TJP1: variants seen among roughly 807,000 people sequenced by gnomAD.
TJP1 encodes the protein tight junction protein ZO-1.
Under a neutral mutation model 194.2 loss-of-function variants are expected in TJP1, and 43 were observed. The ratio of observed to expected loss-of-function variants is 0.22; its 90% CI spans 0.17 to 0.29. The LOEUF (loss-of-function observed/expected upper bound fraction) is 0.29, where lower values mean the gene tolerates loss of function less well. Ranked by LOEUF, TJP1 falls within the 10% of genes least tolerant of loss-of-function variation. The pLI is 1.00. For synonymous variants in TJP1, 801 were observed against 779.0 expected (o/e 1.03, Z -0.47); for missense variants, 1,971 against 2,185.7 (o/e 0.90, Z 1.96).
At chr15:29,907,373 C>T (rs919082604) in intron 2 of TJP1, among the ~76,000 whole-genome samples, 1 of 152,098 alleles carries the variant, frequency 6.6e-6, no homozygotes, top group Non-Finnish European at 1.5e-5. Flanking sequence ...CGCACCACTG[C>T]ACTCCAGCCT....
intron 1 of TJP1, among the ~76,000 whole-genome samples, chr15:29,801,897 A>G (rs79064090): frequency 6.6e-6 from 1 of 151,898 alleles, no homozygotes; most frequent in Non-Finnish European, 1.5e-5. Flanking sequence ...TAAAAAAAAA[A>G]TTACAAAAAA....
At chr15:29,762,580 G>A in intron 5 of TJP1, 142 bp from the exon 6 acceptor site, 1 of 597,840 alleles carries the variant, frequency 1.7e-6, no homozygotes, top group East Asian at 2.8e-5. Flanking sequence ...TGGCCATCCT[G>A]CAAATAAGAC....
At chr15:29,723,993 C>T (rs2043088790) in intron 18 of TJP1, among the ~76,000 whole-genome samples, 1 of 152,166 alleles carries the variant, frequency 6.6e-6, no homozygotes, top group African/African-American at 2.4e-5. Flanking sequence ...GTATTTCTTC[C>T]ACTTCAGTAT....
intron 2 of TJP1, among the ~76,000 whole-genome samples, chr15:29,896,029 C>T (rs785429): frequency 0.098 from 14,847 of 152,114 alleles, 759 homozygotes; most frequent in South Asian, 0.12. Context: ...TCATTTGTTA[C>T]GGCTCCACTC....
intron 18 of TJP1, among the ~76,000 whole-genome samples, chr15:29,723,308 T>C (rs2043044126): frequency 6.6e-6 from 1 of 152,194 alleles, no homozygotes; most frequent in Non-Finnish European, 1.5e-5. Flanking sequence ...CGGTTTCTAA[T>C]GGTTTAGCAC....
chr15:29,955,877 T>C (rs2055922678), intron 2 of TJP1, among the ~76,000 whole-genome samples: 1 of 151,622 alleles, frequency 6.6e-6, no homozygotes, highest in South Asian at 2.1e-4. Context: ...AGCTGGGTGT[T>C]TGGGGTTAAT....
chr15:29,814,861 T>C (rs547847979), intron 1 of TJP1, among the ~76,000 whole-genome samples: 1 of 152,184 alleles, frequency 6.6e-6, no homozygotes, highest in Non-Finnish European at 1.5e-5. Flanking sequence ...TAAAACCTTA[T>C]CTCTTGATCT....
intron 2 of TJP1, among the ~76,000 whole-genome samples, chr15:29,939,525 A>G (rs2054995629): frequency 6.6e-6 from 1 of 152,104 alleles, no homozygotes; most frequent in Non-Finnish European, 1.5e-5. Flanking sequence ...AACCCCTAGC[A>G]CAGGCTCAGT....
At position 29,776,126 on chromosome 15, in the gene TJP1, T is replaced by C. The variant is rs539387606; in HGVS notation, c.85-2769A>G. ...ATATTACAGCTCAACATAATTTATT[T>C]GTATCAGTGCAAAATACAAAATAAA... On this transcript the variant is annotated intron_variant, in intron 2 of 27. Transcript: ENST00000614355. 6.6e-5 allele frequency among the ~76,000 whole-genome samples: 10 copies of C among 152,298 alleles called. No individual in the cohort carries two copies. In the East Asian group the frequency reaches 1.7e-3, roughly 26 times the overall value.
intron 2 of TJP1, among the ~76,000 whole-genome samples, chr15:29,917,441 T>C (rs939601237): frequency 5.9e-5 from 9 of 152,032 alleles, no homozygotes; most frequent in African/African-American, 9.7e-5. Flanking sequence ...CCAAAAACAA[T>C]ATATAAGGCC....
exon 1 of TJP1, chr15:29,968,889 G>A: frequency 3.1e-6 from 1 of 323,992 alleles, no homozygotes; most frequent in Non-Finnish European, 4.4e-6. Context: ...CCGCTCCCGC[G>A]CCCGCCGCAC....
At chr15:29,835,648 T>C (rs2051001093) in intron 2 of TJP1, among the ~76,000 whole-genome samples, 2 of 56,584 alleles carry the variant, frequency 3.5e-5, no homozygotes, top group African/African-American at 4.5e-5. Flanking sequence ...AGACCCTAGC[T>C]GCAAAAAAAA....
intron 2 of TJP1, among the ~76,000 whole-genome samples, chr15:29,832,011 T>C (rs1242668442): frequency 6.6e-6 from 1 of 152,180 alleles, no homozygotes; most frequent in Non-Finnish European, 1.5e-5. Flanking sequence ...AACTGAAATA[T>C]TTCTGTCAGC....
chr15:29,929,267 A>G (rs2054624195), intron 2 of TJP1, among the ~76,000 whole-genome samples: 1 of 152,256 alleles, frequency 6.6e-6, no homozygotes, highest in Non-Finnish European at 1.5e-5. Flanking sequence ...ATATTAGGAA[A>G]TACTTACAAC....
rs764282069 is a variant in TJP1, at chr15:29,741,901, TTC to T, written c.1151-467_1151-466del. 1.8e-4 allele frequency among the ~76,000 whole-genome samples: 28 copies of T among 152,296 alleles called. No individual in the cohort carries two copies. The East Asian group carries it at 4.8e-3, about 26-fold the overall frequency. On this transcript the variant is annotated intron_variant, in intron 9 of 27. Transcript: ENST00000614355. ...GCAACCGATCTTAGCACCTTGCTGA[TTC>T]TGTTTTGTCTTCACAGACAGCTTTA...
At chr15:29,912,988 G>T (rs1007698294) in intron 2 of TJP1, among the ~76,000 whole-genome samples, 2 of 152,170 alleles carry the variant, frequency 1.3e-5, no homozygotes, top group Non-Finnish European at 2.9e-5. Flanking sequence ...GATTAATAGA[G>T]GAGTGATAGT....
rs142703756 is a variant in TJP1 at position 29,897,580 on chromosome 15, G to A, written c.306+58652C>T. ...CCAGAATGGTAGATCCACCAACAGC[G>A]TGCACCATGTGCCTGGAAAAGCCGC... On this transcript the variant is annotated intron_variant, in intron 2 of 28. Coordinates refer to the TJP1 transcript ENST00000356107. Among the ~76,000 whole-genome samples, 287 of 152,230 alleles carry A rather than the reference G, an allele frequency of 1.9e-3. 1 individual carries two copies. The highest frequency in any genetic ancestry group is 6.2e-3 in the African/African-American group (259 of 41,536).
chr15:29,767,002 C>T (rs2046370364), intron 4 of TJP1, among the ~76,000 whole-genome samples: 1 of 152,194 alleles, frequency 6.6e-6, no homozygotes, highest in Admixed American at 6.5e-5. Context: ...TGCCCCAGAC[C>T]TCTAAGAGAT....
At chr15:29,863,803 T>C (rs1199451648) in intron 2 of TJP1, among the ~76,000 whole-genome samples, 1 of 152,174 alleles carries the variant, frequency 6.6e-6, no homozygotes, top group African/African-American at 2.4e-5. Flanking sequence ...TCCCCCAGAA[T>C]GATGACAAAG....
Sources: gnomAD v4.1 joint callset for allele counts (sites outside exome capture counted in the v4.1 genomes callset) on GRCh38, gnomAD v4.1.1 for gene constraint, MANE v1.5 for transcripts, NCBI Gene and HGNC (gene_info 2026-07-23, HGNC 2026-07-21) for gene names.